ZCCHC7: variants seen among roughly 807,000 people sequenced by gnomAD.
The protein encoded by ZCCHC7 is zinc finger CCHC-type containing 7.
Under a neutral mutation model 52.0 loss-of-function variants are expected in ZCCHC7, and 35 were observed. The ratio of observed to expected loss-of-function variants is 0.67; its 90% CI spans 0.51 to 0.89. The LOEUF is 0.89. Among genes scored for constraint, ZCCHC7 ranks in the 40% least tolerant of loss-of-function variants. The pLI, the probability that ZCCHC7 is intolerant of heterozygous loss-of-function variation, is 0.00. For missense variants in ZCCHC7, 574 were observed against 649.1 expected (o/e 0.88, Z 1.26); for synonymous variants, 217 against 221.5 (o/e 0.98, Z 0.18).
intron 2 of ZCCHC7, among the ~76,000 whole-genome samples, chr9:37,193,229 A>G (rs1823109285): frequency 6.6e-6 from 1 of 152,212 alleles, no homozygotes. Flanking sequence ...AAAATCAATA[A>G]CTTTAACATT....
chr9:37,288,926 G>A (rs1028054360), intron 2 of ZCCHC7, among the ~76,000 whole-genome samples: 3 of 151,906 alleles, frequency 2.0e-5, no homozygotes, highest in African/African-American at 4.8e-5. Context: ...TTTTATTTCC[G>A]GTTCAGATCT....
At position 37,304,284 on chromosome 9, in the gene ZCCHC7, C is replaced by A; in HGVS notation, c.751C>A (p.His251Asn). 6.2e-7 allele frequency: 1 copy of A among 1,613,624 alleles called. No homozygotes were observed. The highest frequency in any genetic ancestry group is 1.1e-5 in the South Asian group (1 of 90,996). ...CTGTAGAAATTGTGACAAACGTGGTCATTTATCAAAAAACTGCCCCTTACC... is the reference window on the plus strand; with the variant it reads ...CTGTAGAAATTGTGACAAACGTGGTAATTTATCAAAAAACTGCCCCTTACC... ...IICRNCDKRG[H>N]LSKNCPLPRK... The change falls in exon 4 of 9, where the codon CAT becomes AAT. Residue 251 changes from histidine to asparagine, a missense_variant. His to Asn is a moderately conservative substitution (Grantham distance 68). Transcript: ENST00000336755.
chr9:37,256,396 T>G (rs489657), intron 2 of ZCCHC7, among the ~76,000 whole-genome samples: 4,715 of 152,228 alleles, frequency 0.031, 172 homozygotes, highest in African/African-American at 0.078. Context: ...GTTATTTACC[T>G]TTTTCAATGT....
intron 2 of ZCCHC7, among the ~76,000 whole-genome samples, chr9:37,250,373 C>T (rs1294710221): frequency 6.7e-6 from 1 of 149,898 alleles, no homozygotes; most frequent in Non-Finnish European, 1.5e-5. Flanking sequence ...GCAATCTCAG[C>T]GCACTGCAAC....
chr9:37,349,218 G>T, intron 6 of ZCCHC7, 139 bp from the exon 7 acceptor site: 1 of 671,504 alleles, frequency 1.5e-6, no homozygotes, highest in Non-Finnish European at 2.5e-6. Flanking sequence ...TTAATATATG[G>T]AATCGCCTGA....
At chr9:37,196,930 A>G (rs1823319227) in intron 2 of ZCCHC7, among the ~76,000 whole-genome samples, 1 of 152,160 alleles carries the variant, frequency 6.6e-6, no homozygotes, top group African/African-American at 2.4e-5. Context: ...TAATGACAAC[A>G]TTAGGTACTG....
chr9:37,320,110 C>T (rs1248843620), intron 5 of ZCCHC7, among the ~76,000 whole-genome samples: 1 of 152,186 alleles, frequency 6.6e-6, no homozygotes, highest in Non-Finnish European at 1.5e-5. Flanking sequence ...CCAAGTCTCA[C>T]TCTGTTGCCC....
chr9:37,326,032 A>T (rs1028243682), intron 5 of ZCCHC7: 1 of 152,210 alleles, frequency 6.6e-6, no homozygotes, highest in Non-Finnish European at 1.5e-5. Context: ...CGATTTTTCA[A>T]CCGTATTATT....
chr9:37,132,531 T>TATGTGTGTGTATACACATCATGTGTGCAC (rs1261932845), intron 2 of ZCCHC7, among the ~76,000 whole-genome samples: 1 of 152,172 alleles, frequency 6.6e-6, no homozygotes, highest in Non-Finnish European at 1.5e-5. Context: ...TATGTATGTG[T>TATGTGTGTGTATACACATCATGTGTGCAC]ATGTGTGTGT....
chr9:37,190,929 G>A (rs1201556281), intron 2 of ZCCHC7, among the ~76,000 whole-genome samples: 1 of 152,026 alleles, frequency 6.6e-6, no homozygotes, highest in Admixed American at 6.5e-5. Flanking sequence ...GGCTGAGGTG[G>A]GAGAATTGCT....
At chr9:37,159,927 G>T (rs1450536716) in intron 2 of ZCCHC7, among the ~76,000 whole-genome samples, 1 of 152,186 alleles carries the variant, frequency 6.6e-6, no homozygotes, top group Non-Finnish European at 1.5e-5. Flanking sequence ...ACTTAAACTT[G>T]AAACTTAACA....
chr9:37,146,736 A>G (rs1244912734), intron 2 of ZCCHC7, among the ~76,000 whole-genome samples: 1 of 151,918 alleles, frequency 6.6e-6, no homozygotes, highest in African/African-American at 2.4e-5. Flanking sequence ...TGTGCTTGTA[A>G]TATGATAAGG....
At chr9:37,156,473 C>T (rs868302102) in intron 2 of ZCCHC7, among the ~76,000 whole-genome samples, 2 of 152,132 alleles carry the variant, frequency 1.3e-5, no homozygotes, top group South Asian at 2.1e-4. Context: ...CTGTATATGG[C>T]GGTTGTCAGT....
intron 2 of ZCCHC7, among the ~76,000 whole-genome samples, chr9:37,245,282 A>G (rs768110623): frequency 6.6e-6 from 1 of 152,128 alleles, no homozygotes; most frequent in East Asian, 1.9e-4. Context: ...TAGAAAGGAT[A>G]TGTAACTCTT....
At chr9:37,269,498 A>G (rs527607025) in intron 2 of ZCCHC7, among the ~76,000 whole-genome samples, 1 of 151,488 alleles carries the variant, frequency 6.6e-6, no homozygotes, top group Non-Finnish European at 1.5e-5. Context: ...GCGTGCCTAT[A>G]GTCCCAGCTA....
chr9:37,122,281 A>T (rs1842349171), intron 1 of ZCCHC7, among the ~76,000 whole-genome samples: 1 of 152,236 alleles, frequency 6.6e-6, no homozygotes, highest in South Asian at 2.1e-4. Flanking sequence ...CAGTCAATGA[A>T]TACTGCTCCC....
intron 5 of ZCCHC7, among the ~76,000 whole-genome samples, chr9:37,306,192 C>T (rs1829295201): frequency 3.3e-5 from 5 of 151,860 alleles, no homozygotes; most frequent in Middle Eastern, 3.4e-3. Context: ...CTCAGCCTCC[C>T]GAGTAGCTGG....
intron 2 of ZCCHC7, among the ~76,000 whole-genome samples, chr9:37,172,422 A>T (rs996238755): frequency 2.0e-5 from 3 of 152,174 alleles, no homozygotes; most frequent in African/African-American, 7.2e-5. Flanking sequence ...CCATTGTCTT[A>T]CGCATTAATA....
intron 2 of ZCCHC7, among the ~76,000 whole-genome samples, chr9:37,180,685 A>T (rs1822304508): frequency 6.6e-6 from 1 of 152,174 alleles, no homozygotes; most frequent in Non-Finnish European, 1.5e-5. Context: ...GATAAATTGC[A>T]AACTCTTATT....
Sources: gnomAD v4.1 joint callset for allele counts (sites outside exome capture counted in the v4.1 genomes callset) on GRCh38, gnomAD v4.1.1 for gene constraint, MANE v1.5 for transcripts, NCBI Gene and HGNC (gene_info 2026-07-23, HGNC 2026-07-21) for gene names.